The following PTPRT variants were observed in gnomAD, a reference collection of about 807,000 sequenced individuals.
PTPRT encodes receptor-type tyrosine-protein phosphatase T.
PTPRT carries 56 observed loss-of-function variants against 176.8 expected under a neutral mutation model. The ratio of observed to expected loss-of-function variants is 0.32; its 90% CI spans 0.26 to 0.40. The LOEUF is 0.40. PTPRT is among the 10% of genes least tolerant of loss of function. The pLI is 1.00. For synonymous variants in PTPRT, 783 were observed against 739.0 expected (o/e 1.06, Z -0.96); for missense variants, 1,540 against 1,908.2 (o/e 0.81, Z 3.60).
intron 1 of PTPRT, among the ~76,000 whole-genome samples, chr20:43,046,245 G>C (rs1986833132): frequency 1.3e-5 from 2 of 152,064 alleles, no homozygotes; most frequent in Non-Finnish European, 2.9e-5. Context: ...CCAGACTAAT[G>C]CAGCTGTTAC....
At chr20:42,865,479 G>C (rs996923677) in intron 2 of PTPRT, among the ~76,000 whole-genome samples, 1 of 152,196 alleles carries the variant, frequency 6.6e-6, no homozygotes, top group Non-Finnish European at 1.5e-5. Flanking sequence ...CCAGTTTTAG[G>C]AGCTGAGGAC....
At chr20:42,869,475 T>C (rs957361880) in intron 2 of PTPRT, among the ~76,000 whole-genome samples, 2 of 152,248 alleles carry the variant, frequency 1.3e-5, no homozygotes, top group African/African-American at 4.8e-5. Context: ...TGTCTTCTTG[T>C]GTTTTATACT....
At chr20:42,104,521 C>T (rs1469073667) in intron 25 of PTPRT, 48 bp downstream of exon 25, 2 of 1,545,648 alleles carry the variant, frequency 1.3e-6, no homozygotes, top group Non-Finnish European at 1.8e-6. Context: ...TTTGTTATAA[C>T]AACCCAAACT....
At chr20:42,308,532 G>A (rs564400001) in intron 12 of PTPRT, among the ~76,000 whole-genome samples, 17 of 152,298 alleles carry the variant, frequency 1.1e-4, no homozygotes, top group African/African-American at 4.1e-4. Context: ...CCCCTCAGAA[G>A]AGGAGCCTCT....
chr20:42,133,426 G>A (rs1047711216), intron 18 of PTPRT, among the ~76,000 whole-genome samples: 4 of 152,152 alleles, frequency 2.6e-5, no homozygotes, highest in Admixed American at 6.5e-5. Context: ...CTAAGTGAAA[G>A]AAGCCAATCT....
chr20:42,784,112 T>C (rs2077255207), intron 3 of PTPRT, among the ~76,000 whole-genome samples: 1 of 152,182 alleles, frequency 6.6e-6, no homozygotes, highest in African/African-American at 2.4e-5. Flanking sequence ...GAGGCTTGCA[T>C]GGAAAGGTGA....
intron 1 of PTPRT, among the ~76,000 whole-genome samples, chr20:43,068,504 C>CAAAAA (rs3092671): frequency 5.3e-5 from 3 of 56,514 alleles, no homozygotes; most frequent in Non-Finnish European, 8.9e-5. Flanking sequence ...GACTCTGTCT[C>CAAAAA]AAAAAAAAAA....
chr20:43,142,761 G>A (rs1421964319), intron 1 of PTPRT, among the ~76,000 whole-genome samples: 1 of 152,192 alleles, frequency 6.6e-6, no homozygotes, highest in Non-Finnish European at 1.5e-5. Context: ...CCACCCAAGG[G>A]GCAGGAGAAG....
chr20:42,514,817 T>C (rs184839208), intron 7 of PTPRT, among the ~76,000 whole-genome samples: 131 of 152,320 alleles, frequency 8.6e-4, no homozygotes, highest in Admixed American at 3.3e-3. Context: ...CTATGTAGGA[T>C]TGTTGTCATA....
chr20:42,671,262 C>T (rs1049092062), intron 7 of PTPRT, among the ~76,000 whole-genome samples: 4 of 152,182 alleles, frequency 2.6e-5, no homozygotes, highest in African/African-American at 9.7e-5. Flanking sequence ...CCATCCAGAG[C>T]TGTACGATAA....
At chr20:42,068,489 C>T (rs1454573391), downstream of PTPRT, among the ~76,000 whole-genome samples, 1 of 152,174 alleles carries the variant, frequency 6.6e-6, no homozygotes, top group Non-Finnish European at 1.5e-5. Flanking sequence ...CTTCAAGATT[C>T]TCTCTGCTGT....
chr20:42,043,485 T>C, the PTPRT span, among the ~76,000 whole-genome samples: 1 of 152,256 alleles, frequency 6.6e-6, no homozygotes, highest in Admixed American at 6.5e-5. Flanking sequence ...GGCCAAAGTA[T>C]AGAGATGAGG....
rs768968759 is a variant in PTPRT, at chr20:42,472,435, C to G, written c.1281G>C (p.Gln427His). 12 of 1,614,140 alleles carry G rather than the reference C, an allele frequency of 7.4e-6. No homozygotes were observed. Among genetic ancestry groups the G allele is most frequent in the Non-Finnish European group, 8.5e-7 (1 of 1,180,050 alleles). Residue 427 changes from glutamine to histidine, a missense_variant, in exon 8 of 31, where the codon CAG becomes CAC. This residue lies in a region of PTPRT where 79 missense variants were observed against 80.0 expected (regional missense o/e 0.99). Coordinates refer to ENST00000373187, the MANE Select transcript of PTPRT (RefSeq NM_007050.6). ...CGTACTGCTGCTGGTTGAACACATA[C>G]TGGTACTGCACGGTGAGGTTGTAGC... ...CHSYNLTVQY[Q>H]YVFNQQQYEA...
intron 1 of PTPRT, among the ~76,000 whole-genome samples, chr20:43,168,061 T>C (rs1329101833): frequency 6.6e-6 from 1 of 152,212 alleles, no homozygotes. Flanking sequence ...AGGGTCCAAC[T>C]TGTCGTTTCA....
chr20:42,534,386 C>G (rs1489887110), intron 7 of PTPRT, among the ~76,000 whole-genome samples: 2 of 152,178 alleles, frequency 1.3e-5, no homozygotes, highest in Admixed American at 6.5e-5. Context: ...GTAATCCCAG[C>G]ACTTTGGGAG....
At chr20:42,033,042 G>A in the PTPRT span, among the ~76,000 whole-genome samples, 3 of 152,158 alleles carry the variant, frequency 2.0e-5, no homozygotes, top group Non-Finnish European at 4.4e-5. Flanking sequence ...GCAGATCCCT[G>A]ACCCACTAGA....
intron 15 of PTPRT, among the ~76,000 whole-genome samples, chr20:42,205,717 G>C (rs2055440442): frequency 6.6e-6 from 1 of 151,974 alleles, no homozygotes; most frequent in Admixed American, 6.6e-5. Context: ...TCCCCATAGG[G>C]CTCCTCCTCT....
At chr20:43,036,234 A>C (rs1986374265) in intron 1 of PTPRT, among the ~76,000 whole-genome samples, 1 of 152,196 alleles carries the variant, frequency 6.6e-6, no homozygotes, top group Non-Finnish European at 1.5e-5. Context: ...CTCACTGTGT[A>C]TCCTGGTGTC....
At position 42,354,576 on chromosome 20, in the gene PTPRT, T is replaced by C. The variant is rs137995172; in HGVS notation, c.1561-2291A>G. Among the ~76,000 whole-genome samples, 422 of 152,350 alleles carry C rather than the reference T, an allele frequency of 2.8e-3. 1 individual carries two copies. Among genetic ancestry groups the C allele is most frequent in the African/African-American group, 9.9e-3 (411 of 41,580 alleles). The stretch of plus-strand genomic sequence containing the variant: ...GTGTTTCCTGTGTACTCCTGTGTTC[T>C]AGGCCCTGCACTGTGTGCTGCTGGA... On this transcript the variant is annotated intron_variant, in intron 9 of 30. Transcript: ENST00000373187.
Sources: gnomAD v4.1 joint callset for allele counts (sites outside exome capture counted in the v4.1 genomes callset) on GRCh38, gnomAD v4.1.1 for gene constraint, gnomAD v4.1.1 regional missense constraint, MANE v1.5 for transcripts, NCBI Gene and HGNC (gene_info 2026-07-23, HGNC 2026-07-21) for gene names.